ASTN2: variants seen among roughly 807,000 people sequenced by gnomAD.
ASTN2 encodes astrotactin 2, also known as astrotactin-2.
Under a neutral mutation model 139.8 loss-of-function variants are expected in ASTN2, and 54 were observed. That is an observed-to-expected ratio of 0.39 (90% CI 0.31 to 0.48). ASTN2 has a LOEUF of 0.48. Among genes scored for constraint, ASTN2 ranks in the 20% least tolerant of loss-of-function variants. The probability of loss-of-function intolerance (pLI) is 0.95; values close to 1 mark genes in which losing one functional copy is unlikely to be tolerated. For missense variants in ASTN2, 1,565 were observed against 1,725.1 expected (o/e 0.91, Z 1.64); for synonymous variants, 756 against 719.5 (o/e 1.05, Z -0.81).
intron 6 of ASTN2, among the ~76,000 whole-genome samples, chr9:117,018,049 G>A (rs1209640420): frequency 1.3e-5 from 2 of 151,574 alleles, no homozygotes; most frequent in African/African-American, 4.8e-5. Flanking sequence ...TCCCCTGATT[G>A]TCACAATACC....
chr9:116,521,539 G>T (rs912366273), intron 19 of ASTN2, among the ~76,000 whole-genome samples: 4 of 151,952 alleles, frequency 2.6e-5, no homozygotes, highest in Non-Finnish European at 5.9e-5. Flanking sequence ...AAACCATAAA[G>T]ATTCTAGAAG....
intron 3 of ASTN2, among the ~76,000 whole-genome samples, chr9:117,213,209 T>C (rs924081535): frequency 2.6e-5 from 4 of 152,154 alleles, no homozygotes; most frequent in African/African-American, 7.2e-5. Context: ...CATATTCTTA[T>C]TCACATGTGG....
chr9:116,675,762 C>G (rs960992274), intron 16 of ASTN2, among the ~76,000 whole-genome samples: 1 of 152,082 alleles, frequency 6.6e-6, no homozygotes, highest in Non-Finnish European at 1.5e-5. Context: ...TTGGTGAGCC[C>G]TAAAGAAAGC....
At chr9:117,407,121 C>T (rs1280009953) in intron 1 of ASTN2, among the ~76,000 whole-genome samples, 1 of 152,120 alleles carries the variant, frequency 6.6e-6, no homozygotes, top group Non-Finnish European at 1.5e-5. Flanking sequence ...AAGTTGACAC[C>T]TGAATTCGGT....
chr9:117,120,018 G>GTATGTATATATATA (rs1554780401), intron 4 of ASTN2, among the ~76,000 whole-genome samples: 3 of 46,000 alleles, frequency 6.5e-5, no homozygotes, highest in Non-Finnish European at 1.2e-4. Context: ...GTGTGTGTGT[G>GTATGTATATATATA]TATATATATA....
chr9:116,549,138 T>G (rs1852228819), intron 19 of ASTN2, among the ~76,000 whole-genome samples: 1 of 150,860 alleles, frequency 6.6e-6, no homozygotes, highest in Non-Finnish European at 1.5e-5. Flanking sequence ...TGGCCTGGTC[T>G]AGAACCTGTG....
intron 14 of ASTN2, among the ~76,000 whole-genome samples, chr9:116,732,309 G>A (rs1485824668): frequency 6.6e-6 from 1 of 152,126 alleles, no homozygotes; most frequent in Non-Finnish European, 1.5e-5. Context: ...AAAGTGCCTG[G>A]CCCCCAGGAC....
chr9:117,037,139 TC>T (rs1310336612), intron 6 of ASTN2, among the ~76,000 whole-genome samples: 1 of 151,968 alleles, frequency 6.6e-6, no homozygotes, highest in African/African-American at 2.4e-5. Context: ...ATATAATATT[TC>T]TCCCCAAAGA....
At chr9:117,120,124 G>T (rs2132811697) in intron 4 of ASTN2, among the ~76,000 whole-genome samples, 1 of 149,030 alleles carries the variant, frequency 6.7e-6, no homozygotes, top group South Asian at 2.1e-4. Context: ...GGCTCCTATT[G>T]GGTGTGGGGG....
At chr9:116,569,666 A>G (rs1241787345) in intron 19 of ASTN2, among the ~76,000 whole-genome samples, 3 of 152,110 alleles carry the variant, frequency 2.0e-5, no homozygotes, top group African/African-American at 7.2e-5. Flanking sequence ...CTACGTATTG[A>G]CACCTAGGAA....
chr9:116,487,850 T>C (rs757670993), intron 19 of ASTN2, among the ~76,000 whole-genome samples: 1 of 152,138 alleles, frequency 6.6e-6, no homozygotes, highest in Non-Finnish European at 1.5e-5. Context: ...GTCACTGTTA[T>C]TCACTCCCTG....
At chr9:117,364,380 C>T (rs749480210) in intron 1 of ASTN2, among the ~76,000 whole-genome samples, 2 of 152,174 alleles carry the variant, frequency 1.3e-5, no homozygotes, top group Non-Finnish European at 2.9e-5. Context: ...CTGTTTGCCA[C>T]TGCAGATGTA....
At chr9:116,502,750 G>A (rs1849926925) in intron 19 of ASTN2, among the ~76,000 whole-genome samples, 1 of 89,580 alleles carries the variant, frequency 1.1e-5, no homozygotes, top group African/African-American at 4.6e-5. Context: ...AATGAATGAG[G>A]GAAGGAAGGA....
intron 4 of ASTN2, among the ~76,000 whole-genome samples, chr9:117,110,647 C>T (rs942778545): frequency 2.0e-5 from 3 of 152,016 alleles, no homozygotes; most frequent in African/African-American, 2.4e-5. Context: ...GGACAAAATG[C>T]CAAAAATACT....
chr9:117,160,194 C>A (rs753512072), intron 3 of ASTN2, among the ~76,000 whole-genome samples: 1 of 151,944 alleles, frequency 6.6e-6, no homozygotes, highest in Non-Finnish European at 1.5e-5. Context: ...GAATGGTAAT[C>A]CAAGCTATTA....
intron 16 of ASTN2, among the ~76,000 whole-genome samples, chr9:116,678,604 G>A (rs1859645465): frequency 6.6e-6 from 1 of 152,134 alleles, no homozygotes; most frequent in South Asian, 2.1e-4. Context: ...AAAACTGAAG[G>A]TTAAGCAAAG....
At chr9:117,411,272 A>C (rs1274902837) in intron 1 of ASTN2, among the ~76,000 whole-genome samples, 1 of 152,150 alleles carries the variant, frequency 6.6e-6, no homozygotes, top group Non-Finnish European at 1.5e-5. Flanking sequence ...CTATTCTTTG[A>C]TCACTTTCAG....
chr9:116,852,816 G>A (rs2132324532), intron 11 of ASTN2, among the ~76,000 whole-genome samples: 1 of 150,046 alleles, frequency 6.7e-6, no homozygotes, highest in East Asian at 2.0e-4. Context: ...TTCTATCCAA[G>A]CATAGCTCTT....
chr9:116,695,364 G>C (rs1860790385), intron 16 of ASTN2, among the ~76,000 whole-genome samples: 1 of 152,168 alleles, frequency 6.6e-6, no homozygotes, highest in East Asian at 1.9e-4. Context: ...AGTTTCCCTT[G>C]CAGTACAAAG....
Sources: allele counts gnomAD v4.1 joint callset (sites outside exome capture counted in the v4.1 genomes callset), GRCh38; gene constraint gnomAD v4.1.1; transcripts MANE v1.5; gene names NCBI Gene and HGNC (gene_info 2026-07-23, HGNC 2026-07-21).